The following SPP2 variants were observed in gnomAD, a reference collection of about 807,000 sequenced individuals.
SPP2 encodes the protein secreted phosphoprotein 2, also known as secreted phosphoprotein 24.
Under a neutral mutation model 28.8 loss-of-function variants are expected in SPP2, and 34 were observed. The observed-to-expected ratio is 1.18, with a 90% confidence interval of 0.90 to 1.57. The LOEUF is 1.57. Ranked by LOEUF, SPP2 falls within the 40% of genes most tolerant of loss-of-function variation. SPP2 has a pLI of 0.00. For synonymous variants in SPP2, 96 were observed against 89.4 expected (o/e 1.07, Z -0.42); for missense variants, 269 against 263.9 (o/e 1.02, Z -0.13).
intron 4 of SPP2, among the ~76,000 whole-genome samples, chr2:234,063,580 C>T (rs899576532): frequency 3.9e-5 from 6 of 152,146 alleles, no homozygotes; most frequent in Non-Finnish European, 8.8e-5. Flanking sequence ...GGTGAATTAT[C>T]GGTAGTTTTT....
intron 2 of SPP2, among the ~76,000 whole-genome samples, chr2:234,056,529 G>A (rs1693610253): frequency 3.9e-5 from 6 of 152,118 alleles, no homozygotes; most frequent in South Asian, 4.1e-4. Context: ...AGGTTGCAAA[G>A]TTATCTCATA....
chr2:234,058,728 T>C (rs1477312206), intron 2 of SPP2, 108 bp from the exon 3 acceptor site: 9 of 1,278,878 alleles, frequency 7.0e-6, no homozygotes, highest in South Asian at 1.6e-5. Flanking sequence ...ATTGCTTTCA[T>C]GGTGGACAAT....
intron 2 of SPP2, among the ~76,000 whole-genome samples, chr2:234,055,329 G>T (rs1693584838): frequency 6.6e-6 from 1 of 152,242 alleles, no homozygotes; most frequent in African/African-American, 2.4e-5. Flanking sequence ...CTGATGGGAA[G>T]ATTTCTGTCT....
At chr2:234,059,110 T>C in intron 3 of SPP2, 152 bp downstream of exon 3, 1 of 912,212 alleles carries the variant, frequency 1.1e-6, no homozygotes, top group Non-Finnish European at 1.6e-6. Flanking sequence ...GTGGGGGAAG[T>C]GTTACTCCGT....
chr2:234,050,920 T>C (rs1244400221), intron 1 of SPP2, 49 bp downstream of exon 1: 2 of 1,614,024 alleles, frequency 1.2e-6, no homozygotes, highest in South Asian at 1.1e-5. Flanking sequence ...TGCAGAGCCA[T>C]GCTGGCGCCT....
intron 2 of SPP2, among the ~76,000 whole-genome samples, chr2:234,057,395 C>G (rs536256221): frequency 6.6e-6 from 1 of 152,336 alleles, no homozygotes; most frequent in South Asian, 2.1e-4. Context: ...GCTTTCTATT[C>G]ACAGGATGAG....
chr2:234,069,878 C>T, intron 6 of SPP2, 50 bp from the exon 7 acceptor site: 1 of 1,418,670 alleles, frequency 7.0e-7, no homozygotes, highest in South Asian at 1.2e-5. Flanking sequence ...CACACTGTCT[C>T]AGATCTTGAT....
At chr2:234,075,319 A>G (rs1574839191) in intron 7 of SPP2, among the ~76,000 whole-genome samples, 3 of 152,144 alleles carry the variant, frequency 2.0e-5, no homozygotes, top group African/African-American at 7.2e-5. Context: ...CTAGCTTCTC[A>G]TTACTCTCCG....
At chr2:234,067,777 CAAAAAAAAAAAAAAAA>C (rs56184185) in intron 6 of SPP2, among the ~76,000 whole-genome samples, 1 of 63,486 alleles carries the variant, frequency 1.6e-5, no homozygotes, top group Non-Finnish European at 2.7e-5. Context: ...GACTCCGTCT[CAAAAAAAAAAAAAAAA>C]AAAAAAAAAA....
intron 6 of SPP2, among the ~76,000 whole-genome samples, chr2:234,068,372 A>G (rs928545046): frequency 1.4e-4 from 21 of 152,310 alleles, no homozygotes; most frequent in African/African-American, 5.1e-4. Context: ...TAGGACTTTA[A>G]TCAGATTTGT....
intron 7 of SPP2, among the ~76,000 whole-genome samples, chr2:234,076,235 C>T (rs80172542): frequency 0.018 from 2,680 of 152,170 alleles, 28 homozygotes; most frequent in Middle Eastern, 0.051. Flanking sequence ...TTCTGTCTCC[C>T]GAGTCACATG....
intron 6 of SPP2, among the ~76,000 whole-genome samples, chr2:234,067,548 C>T (rs529292134): frequency 2.0e-5 from 3 of 152,046 alleles, no homozygotes; most frequent in Non-Finnish European, 2.9e-5. Flanking sequence ...GAGGCCGAGG[C>T]GGGCGGATCA....
Position 234,050,874 on chromosome 2 carries a change from A to G in SPP2, c.85+3A>G. 6.2e-7 allele frequency: 1 copy of G among 1,614,012 alleles called. No homozygotes were observed. Among genetic ancestry groups the G allele is most frequent in the Non-Finnish European group, 8.5e-7 (1 of 1,179,870 alleles). On this transcript the variant is annotated splice_donor_region_variant and intron_variant, in intron 1 of 7. Coordinates refer to ENST00000168148, the MANE Select transcript of SPP2 (RefSeq NM_006944.3). ...AATGAACTACTGGTCTTGCTCAGGT[A>G]AGGTATTCACCAACCTGGCCACCTG...
chr2:234,071,700 TTTCA>T (rs1257047965), intron 7 of SPP2, among the ~76,000 whole-genome samples: 8 of 152,184 alleles, frequency 5.3e-5, no homozygotes, highest in Middle Eastern at 3.2e-3. Context: ...TCACAATGGC[TTTCA>T]TGACCTGGGT....
At chr2:234,058,399 A>G (rs144224991) in intron 2 of SPP2, among the ~76,000 whole-genome samples, 4 of 152,348 alleles carry the variant, frequency 2.6e-5, no homozygotes, top group African/African-American at 9.6e-5. Context: ...TCCTGTTGGT[A>G]ACATGCATGT....
intron 2 of SPP2, among the ~76,000 whole-genome samples, chr2:234,052,133 A>G (rs187103093): frequency 1.3e-3 from 195 of 152,246 alleles, no homozygotes; most frequent in Non-Finnish European, 2.1e-3. Context: ...CATGAAGACT[A>G]TGGGCTATGC....
At chr2:234,065,344 A>G (rs771949452) in intron 4 of SPP2, among the ~76,000 whole-genome samples, 8 of 152,152 alleles carry the variant, frequency 5.3e-5, no homozygotes, top group Non-Finnish European at 8.8e-5. Flanking sequence ...CGGTGGCACA[A>G]TCTCGGCTCA....
intron 2 of SPP2, among the ~76,000 whole-genome samples, chr2:234,051,373 C>T (rs954913068): frequency 3.3e-5 from 5 of 152,120 alleles, no homozygotes; most frequent in African/African-American, 1.2e-4. Flanking sequence ...ACTTGAAGTC[C>T]TCGCGATTCT....
At chr2:234,067,389 C>A (rs941322760) in intron 6 of SPP2, 115 bp downstream of exon 6, 3 of 950,042 alleles carry the variant, frequency 3.2e-6, no homozygotes, top group African/African-American at 3.3e-5. Flanking sequence ...CTCTGAAATA[C>A]AAAATATTTT....
Sources: gnomAD v4.1 joint callset for allele counts (sites outside exome capture counted in the v4.1 genomes callset) on GRCh38, gnomAD v4.1.1 for gene constraint, MANE v1.5 for transcripts, NCBI Gene and HGNC (gene_info 2026-07-23, HGNC 2026-07-21) for gene names.